Variants in TMCO6 observed in about 807,000 individuals in gnomAD.
TMCO6 encodes transmembrane and coiled-coil domains 6, also known as transmembrane and coiled-coil domain-containing protein 6.
A neutral mutation model predicts 61.8 loss-of-function variants in TMCO6; 47 were observed. The ratio of observed to expected loss-of-function variants is 0.76; its 90% confidence interval spans 0.60 to 0.97. TMCO6 has a LOEUF of 0.97. Ranked by LOEUF, TMCO6 falls within the 50% of genes least tolerant of loss-of-function variation. The pLI is 0.00. For synonymous variants in TMCO6, 261 were observed against 254.2 expected (o/e 1.03, Z -0.25); for missense variants, 557 against 601.6 (o/e 0.93, Z 0.78).
At position 140,641,959 on chromosome 5, in the gene TMCO6, T is replaced by C. The variant is rs903787229; in HGVS notation, c.404T>C (p.Leu135Pro). The change falls in exon 4 of 12, where the codon CTC becomes CCC. Residue 135 changes from leucine (L) to proline (P), a missense_variant. Coordinates refer to ENST00000394671, the MANE Select transcript of TMCO6 (RefSeq NM_018502.5). Reference sequence around the variant, plus strand: ...GAGGCGGCTCGGTGCCTGCATGAGCTCTCTCACTCCGAGCAGTCCACTGTT... The same window carrying C: ...GAGGCGGCTCGGTGCCTGCATGAGCCCTCTCACTCCGAGCAGTCCACTGTT... The part of the protein sequence containing the change: ...QLEAARCLHE[L>P]SHSEQSTVAE... The C allele has an allele frequency of 1.1e-5, 17 of 1,613,934 alleles. No homozygotes were observed. The highest frequency in any genetic ancestry group is 1.4e-5 in the Non-Finnish European group (17 of 1,179,878).
the TMCO6 span, among the ~76,000 whole-genome samples, chr5:140,606,224 G>A: frequency 6.8e-6 from 1 of 146,042 alleles, no homozygotes; most frequent in African/African-American, 2.5e-5. Context: ...GTGCAGTGGT[G>A]TGCGGCCTTG....
upstream of TMCO6, among the ~76,000 whole-genome samples, chr5:140,638,426 A>G (rs1450800049): frequency 5.3e-5 from 8 of 152,276 alleles, no homozygotes; most frequent in East Asian, 5.8e-4. Context: ...GTGCCTCGGC[A>G]TCTAACGAAG....
At chr5:140,647,625 A>G (rs763847679), downstream of TMCO6, 13 of 1,598,180 alleles carry the variant, frequency 8.1e-6, no homozygotes, top group Admixed American at 1.2e-4. Context: ...TCTTCAGGCC[A>G]AGTGCTCCGG....
the TMCO6 span, among the ~76,000 whole-genome samples, chr5:140,625,122 G>A: frequency 4.6e-5 from 7 of 151,362 alleles, no homozygotes; most frequent in Non-Finnish European, 1.5e-5. Flanking sequence ...AAAGTGCCAG[G>A]ATTACAGGCG....
upstream of TMCO6, among the ~76,000 whole-genome samples, chr5:140,634,482 CTT>C (rs1221427030): frequency 5.6e-4 from 62 of 110,862 alleles, no homozygotes; most frequent in African/African-American, 1.0e-3. Flanking sequence ...ATATGAAAGT[CTT>C]TTTTTTTTTT....
the TMCO6 span, chr5:140,632,899 C>T: frequency 1.9e-6 from 3 of 1,614,200 alleles, no homozygotes; most frequent in Admixed American, 1.7e-5. The surrounding 1 kb of genome is among the most constrained non-coding windows in gnomAD (Gnocchi z 6.2). Context: ...AAATCTTCAT[C>T]GTCCAGCTCA....
the TMCO6 span, among the ~76,000 whole-genome samples, chr5:140,602,565 A>G: frequency 6.6e-6 from 1 of 151,904 alleles, no homozygotes; most frequent in Non-Finnish European, 1.5e-5. Context: ...GGAGTTTGAG[A>G]CCAGCCTAAC....
chr5:140,621,724 T>C, the TMCO6 span, among the ~76,000 whole-genome samples: 1 of 152,186 alleles, frequency 6.6e-6, no homozygotes, highest in East Asian at 1.9e-4. Flanking sequence ...ATTGCTGAAT[T>C]CCTTTTCTCA....
downstream of TMCO6, chr5:140,647,362 C>T (rs1440146660): frequency 6.2e-7 from 1 of 1,610,284 alleles, no homozygotes; most frequent in Admixed American, 1.7e-5. Context: ...CAATGAAGTC[C>T]CTGCGGGGCC....
chr5:140,627,111 A>G, the TMCO6 span, among the ~76,000 whole-genome samples: 1 of 152,134 alleles, frequency 6.6e-6, no homozygotes, highest in Non-Finnish European at 1.5e-5. Context: ...ATCTTTTGCC[A>G]AAAACACATT....
At chr5:140,647,504 G>C (rs563223074), downstream of TMCO6, 34 of 1,612,558 alleles carry the variant, frequency 2.1e-5, no homozygotes, top group African/African-American at 3.1e-4. Flanking sequence ...GCTGCCGGGC[G>C]AGCGCTGACA....
At chr5:140,613,515 G>C in the TMCO6 span, among the ~76,000 whole-genome samples, 4 of 150,802 alleles carry the variant, frequency 2.7e-5, no homozygotes, top group East Asian at 7.8e-4. Context: ...CAGAAACTTT[G>C]CCTTCCAGCA....
chr5:140,630,912 T>C, the TMCO6 span, among the ~76,000 whole-genome samples: 1 of 152,238 alleles, frequency 6.6e-6, no homozygotes, highest in Admixed American at 6.5e-5. Flanking sequence ...CTCTGATGGA[T>C]GTGGCTGCCT....
chr5:140,639,456 C>G lies in TMCO6; in HGVS notation c.-72C>G. On this transcript the variant is annotated 5_prime_UTR_variant, in exon 1 of 12. Coordinates refer to ENST00000394671, the MANE Select transcript of TMCO6 (RefSeq NM_018502.5). ...CCGCCCTGTGCTGAGGCTGCGCAGT[C>G]GGTGCCATCTTCTACGCCCCTGGGA... 1 of 1,447,918 alleles carries G rather than the reference C, an allele frequency of 6.9e-7. No individual in the cohort carries two copies. The highest frequency in any genetic ancestry group is 9.5e-7 in the Non-Finnish European group (1 of 1,056,116). 89.7% of individuals were successfully genotyped at this position (1,447,918 alleles called of 1,614,324 possible).
intron 10 of TMCO6, 147 bp from the exon 11 acceptor site, chr5:140,644,426 C>G: frequency 9.9e-7 from 1 of 1,005,354 alleles, no homozygotes; most frequent in Non-Finnish European, 1.5e-6. Context: ...AATCTTGCAT[C>G]ATAGGGTAGT....
At chr5:140,634,207 T>A in the TMCO6 span, among the ~76,000 whole-genome samples, 1 of 152,160 alleles carries the variant, frequency 6.6e-6, no homozygotes, top group East Asian at 1.9e-4. Context: ...GAATCAGTTT[T>A]CCCACTTGCA....
the TMCO6 span, among the ~76,000 whole-genome samples, chr5:140,615,928 C>T: frequency 3.9e-5 from 6 of 152,202 alleles, no homozygotes; most frequent in South Asian, 2.1e-4. Flanking sequence ...GTCAGGATTT[C>T]GAGACCAGCC....
At chr5:140,633,150 C>T in the TMCO6 span, 1 of 1,585,710 alleles carries the variant, frequency 6.3e-7, no homozygotes, top group African/African-American at 1.3e-5. Flanking sequence ...CAGCGGCACC[C>T]GCCGGCTTCC....
the TMCO6 span, among the ~76,000 whole-genome samples, chr5:140,610,664 A>G: frequency 6.6e-6 from 1 of 152,184 alleles, no homozygotes; most frequent in Non-Finnish European, 1.5e-5. Context: ...GTGATTATAT[A>G]ATCTGTGAAT....
Sources: gnomAD v4.1 joint callset for allele counts (sites outside exome capture counted in the v4.1 genomes callset) on GRCh38, gnomAD v4.1.1 for gene constraint, Gnocchi (gnomAD v3.1) non-coding constraint, MANE v1.5 for transcripts, NCBI Gene and HGNC (gene_info 2026-07-23, HGNC 2026-07-21) for gene names.